Variants in DISC1 observed in about 807,000 individuals in gnomAD.
DISC1 encodes DISC1 scaffold protein.
Under a neutral mutation model 84.5 loss-of-function variants are expected in DISC1, and 57 were observed. That is an observed-to-expected ratio of 0.67 (90% CI 0.55 to 0.84). DISC1 has a LOEUF of 0.84. Ranked by LOEUF, DISC1 falls within the 40% of genes least tolerant of loss-of-function variation. DISC1 has a pLI of 0.00. For synonymous variants in DISC1, 411 were observed against 415.2 expected, an observed-to-expected ratio of 0.99 and a Z score of 0.12; for missense variants, 1,000 against 1,057.8, an observed-to-expected ratio of 0.95 and a Z score of 0.76.
chr1:231,798,581 T>C (rs1012210250), intron 7 of DISC1, among the ~76,000 whole-genome samples: 1 of 152,142 alleles, frequency 6.6e-6, no homozygotes, highest in African/African-American at 2.4e-5. Context: ...ATAGATAGGA[T>C]GGGATGTGCC....
intron 4 of DISC1, among the ~76,000 whole-genome samples, chr1:231,765,280 A>G (rs986064772): frequency 6.8e-6 from 1 of 147,604 alleles, no homozygotes; most frequent in African/African-American, 2.5e-5. Flanking sequence ...GGATCTTGCT[A>G]TGTTGCCCAG....
At chr1:231,750,703 C>T in intron 4 of DISC1, 1 of 537,028 alleles carries the variant, frequency 1.9e-6, no homozygotes, top group South Asian at 8.1e-5. Flanking sequence ...AGGGTGGCTC[C>T]CAGATATTGG....
At chr1:231,855,522 T>G (rs961971575) in intron 9 of DISC1, 9 of 726,322 alleles carry the variant, frequency 1.2e-5, no homozygotes, top group Non-Finnish European at 1.5e-5. Flanking sequence ...TTGAACTCTC[T>G]TCATGAAGTA....
chr1:231,630,740 A>T lies in DISC1; in HGVS notation c.67+3806A>T, dbSNP rs572036258. Among the ~76,000 whole-genome samples the T allele has an allele frequency of 6.6e-6, 1 of 152,320 alleles. No individual in the cohort carries two copies. The highest frequency in any genetic ancestry group is 2.4e-5 in the African/African-American group (1 of 41,576). On this transcript the variant is annotated intron_variant, in intron 1 of 12. Transcript: ENST00000439617. This position sits in a 1 kb window ranked among gnomAD's most constrained non-coding sequence, Gnocchi z 4.4. ...AGCGAATGACTTCTGTGCAACAATC[A>T]TGTAATTTTTAAAATTCCAGATGCT...
chr1:231,928,131 C>T (rs2090451025), intron 9 of DISC1, among the ~76,000 whole-genome samples: 1 of 152,162 alleles, frequency 6.6e-6, no homozygotes, highest in South Asian at 2.1e-4. Flanking sequence ...TTAGAGCAAA[C>T]ACCCATTCAG....
At chr1:231,634,396 C>T (rs759418038) in intron 1 of DISC1, among the ~76,000 whole-genome samples, 9 of 152,188 alleles carry the variant, frequency 5.9e-5, no homozygotes, top group East Asian at 1.9e-4. Flanking sequence ...ACACTGGAAA[C>T]TTAGAGTTGC....
chr1:232,015,355 G>A (rs1283010820), intron 11 of DISC1, among the ~76,000 whole-genome samples: 8 of 151,932 alleles, frequency 5.3e-5, no homozygotes, highest in African/African-American at 1.7e-4. Context: ...TGGTGACGCC[G>A]TTCACCTTGG....
intron 10 of DISC1, among the ~76,000 whole-genome samples, chr1:232,006,578 T>C (rs148453993): frequency 3.9e-5 from 6 of 152,260 alleles, no homozygotes; most frequent in African/African-American, 1.4e-4. Flanking sequence ...ACTTGGGTGC[T>C]CTTAAAGCAG....
At position 232,038,147 on chromosome 1, in the gene DISC1, T is replaced by G. The variant is rs1670638444; in HGVS notation, c.*1316T>G. On this transcript the variant is annotated 3_prime_UTR_variant, in exon 13 of 13. Coordinates refer to ENST00000439617, the MANE Select transcript of DISC1 (RefSeq NM_018662.3). ...TGAATTGCTTAGTAACACAGTGTAG[T>G]GCTCAGTAGGACAGCATAGTACTCA... 6.6e-6 allele frequency: 1 copy of G among 152,204 alleles called. No individual in the cohort carries two copies. Among genetic ancestry groups the G allele is most frequent in the African/African-American group, 2.4e-5 (1 of 41,412 alleles). 9.4% of individuals were successfully genotyped at this position (152,204 alleles called of 1,614,324 possible).
chr1:231,912,788 T>TCTTTCTTTCTTTCTTTCTTG (rs2089332353), intron 9 of DISC1, among the ~76,000 whole-genome samples: 2 of 145,002 alleles, frequency 1.4e-5, no homozygotes, highest in African/African-American at 5.1e-5. Flanking sequence ...TTTCTTTCTT[T>TCTTTCTTTCTTTCTTTCTTG]CTTTCTTTCT....
At chr1:231,829,881 G>C (rs1226912152) in intron 9 of DISC1, among the ~76,000 whole-genome samples, 1 of 151,726 alleles carries the variant, frequency 6.6e-6, no homozygotes, top group East Asian at 1.9e-4. Context: ...GGGGTCACAA[G>C]GTGCTCAGTG....
intron 1 of DISC1, among the ~76,000 whole-genome samples, chr1:231,680,658 T>A (rs536757626): frequency 1.3e-5 from 2 of 152,356 alleles, no homozygotes; most frequent in East Asian, 1.9e-4. Flanking sequence ...CACAAAGCTT[T>A]GATGTGGGCT....
At chr1:231,642,256 C>T (rs1047797622) in intron 1 of DISC1, among the ~76,000 whole-genome samples, 136 of 152,338 alleles carry the variant, frequency 8.9e-4, no homozygotes, top group African/African-American at 3.2e-3. Flanking sequence ...GCAAGCACCG[C>T]GCGCAGCCCC....
At chr1:231,955,098 G>A (rs11586286) in intron 9 of DISC1, among the ~76,000 whole-genome samples, 20,196 of 152,130 alleles carry the variant, frequency 0.13, 1,463 homozygotes, top group Middle Eastern at 0.21. Context: ...TTAAACATAA[G>A]AATATGGCTT....
At chr1:231,940,299 C>T (rs1020415147) in intron 9 of DISC1, among the ~76,000 whole-genome samples, 20 of 152,176 alleles carry the variant, frequency 1.3e-4, no homozygotes, top group Non-Finnish European at 1.5e-5. Context: ...CCAGCTGGCA[C>T]CTAGCAGGGA....
intron 10 of DISC1, among the ~76,000 whole-genome samples, chr1:231,992,924 G>A (rs1023372825): frequency 3.9e-5 from 6 of 152,058 alleles, no homozygotes; most frequent in Admixed American, 6.5e-5. Context: ...AAATGAATAC[G>A]AAATATTCCC....
intron 10 of DISC1, among the ~76,000 whole-genome samples, chr1:231,977,655 C>T (rs903890248): frequency 5.3e-5 from 8 of 152,238 alleles, no homozygotes; most frequent in Admixed American, 1.3e-4. Flanking sequence ...CATAGGTTCC[C>T]GGGATTAGAA....
intron 11 of DISC1, among the ~76,000 whole-genome samples, chr1:232,010,018 T>C (rs1667888365): frequency 6.6e-6 from 1 of 152,206 alleles, no homozygotes; most frequent in Non-Finnish European, 1.5e-5. Flanking sequence ...TGCAGGACCA[T>C]GGCCTTCAGA....
intron 10 of DISC1, among the ~76,000 whole-genome samples, chr1:231,999,693 C>T (rs533407312): frequency 7.2e-5 from 11 of 152,266 alleles, no homozygotes; most frequent in East Asian, 3.9e-4. Context: ...ACTTTACACC[C>T]GCACCAAGAG....
Sources: allele counts gnomAD v4.1 joint callset (sites outside exome capture counted in the v4.1 genomes callset), GRCh38; gene constraint gnomAD v4.1.1; non-coding constraint Gnocchi (gnomAD v3.1); transcripts MANE v1.5; gene names NCBI Gene and HGNC (gene_info 2026-07-23, HGNC 2026-07-21).